Variants in HPSE2 observed in about 807,000 individuals in gnomAD.
HPSE2 encodes the protein heparanase 2 (inactive), also known as inactive heparanase-2.
HPSE2 carries 38 observed loss-of-function variants against 60.5 expected under a neutral mutation model. The observed-to-expected ratio is 0.63, with a 90% CI of 0.48 to 0.82. The LOEUF is 0.82. Among genes scored for constraint, HPSE2 ranks in the 40% least tolerant of loss-of-function variants. The probability of loss-of-function intolerance (pLI) is 0.00; values close to 1 mark genes in which losing one functional copy is unlikely to be tolerated. For missense variants in HPSE2, 713 were observed against 740.4 expected (o/e 0.96, Z 0.43); for synonymous variants, 295 against 293.2 (o/e 1.01, Z -0.06).
chr10:98,459,963 C>T (rs1019983773), intron 11 of HPSE2, among the ~76,000 whole-genome samples: 5 of 152,160 alleles, frequency 3.3e-5, no homozygotes, highest in African/African-American at 4.8e-5. Context: ...CTATTAATAT[C>T]ATTATCCCCA....
chr10:98,553,730 C>A (rs1379265000), intron 9 of HPSE2, among the ~76,000 whole-genome samples: 2 of 152,186 alleles, frequency 1.3e-5, no homozygotes, highest in Admixed American at 1.3e-4. Context: ...GTTAATAAAG[C>A]CTCTCCAGTG....
At chr10:98,636,741 C>T (rs1393739332) in intron 7 of HPSE2, among the ~76,000 whole-genome samples, 1 of 152,158 alleles carries the variant, frequency 6.6e-6, no homozygotes, top group Non-Finnish European at 1.5e-5. Context: ...ATGGACAGTA[C>T]TTTTGGAAAC....
intron 2 of HPSE2, among the ~76,000 whole-genome samples, chr10:99,210,239 T>C (rs1848911601): frequency 6.6e-6 from 1 of 152,010 alleles, no homozygotes. Context: ...ATAAAAAATC[T>C]GAACAGACCA....
At chr10:98,834,237 A>G (rs1951743666) in intron 3 of HPSE2, among the ~76,000 whole-genome samples, 1 of 152,124 alleles carries the variant, frequency 6.6e-6, no homozygotes, top group Non-Finnish European at 1.5e-5. Context: ...ATAAGCTTCA[A>G]AATGATAACT....
chr10:99,091,488 T>G (rs1018029609), intron 3 of HPSE2, among the ~76,000 whole-genome samples: 4 of 152,170 alleles, frequency 2.6e-5, no homozygotes, highest in Non-Finnish European at 5.9e-5. Context: ...TTAACAAAGT[T>G]TTTTTAAAAG....
intron 6 of HPSE2, among the ~76,000 whole-genome samples, chr10:98,672,185 T>C (rs1042564341): frequency 1.3e-5 from 2 of 152,212 alleles, no homozygotes; most frequent in Non-Finnish European, 1.5e-5. Flanking sequence ...TTTGCTTCTT[T>C]TTATTTAGAT....
intron 9 of HPSE2, among the ~76,000 whole-genome samples, chr10:98,523,374 C>T (rs1203727334): frequency 6.6e-6 from 1 of 152,084 alleles, no homozygotes; most frequent in African/African-American, 2.4e-5. Context: ...TATAAGAAAA[C>T]ATTAGTTGAT....
chr10:98,905,182 T>A (rs1953777607), intron 3 of HPSE2, among the ~76,000 whole-genome samples: 1 of 152,096 alleles, frequency 6.6e-6, no homozygotes, highest in Non-Finnish European at 1.5e-5. Flanking sequence ...TATTATACTT[T>A]AAGTTTTAGG....
At chr10:98,986,815 C>A (rs1383737175) in intron 3 of HPSE2, among the ~76,000 whole-genome samples, 1 of 151,760 alleles carries the variant, frequency 6.6e-6, no homozygotes, top group Non-Finnish European at 1.5e-5. Context: ...GGGGATATCA[C>A]CACCGATCCC....
chr10:98,908,621 T>C (rs1230447132), intron 3 of HPSE2, among the ~76,000 whole-genome samples: 6 of 134,106 alleles, frequency 4.5e-5, no homozygotes, highest in Non-Finnish European at 9.1e-5. Flanking sequence ...AGGTGGAGGT[T>C]GTGGTGAGCC....
At chr10:98,668,412 A>G (rs1038791913) in intron 6 of HPSE2, among the ~76,000 whole-genome samples, 5 of 152,282 alleles carry the variant, frequency 3.3e-5, no homozygotes, top group African/African-American at 1.2e-4. Context: ...AGAAAAGACT[A>G]TTCTAAAATT....
chr10:99,296,930 A>C, the HPSE2 span, among the ~76,000 whole-genome samples: 1 of 152,138 alleles, frequency 6.6e-6, no homozygotes, highest in Non-Finnish European at 1.5e-5. Flanking sequence ...CATCGATGGG[A>C]GGGCAGGAAG....
At position 99,071,994 on chromosome 10, in the gene HPSE2, T is replaced by A. The variant is rs185539707; in HGVS notation, c.610+72244A>T. ...TAGCTTTGTAATAATATATTTTGAA[T>A]TCAGGAAGTGGATTGCCTCTAACTT... On this transcript the variant is annotated intron_variant, in intron 3 of 11. Transcript: ENST00000370552. Among the ~76,000 whole-genome samples, 130 of 151,412 alleles carry A rather than the reference T, an allele frequency of 8.6e-4. 1 individual carries two copies. The highest frequency in any genetic ancestry group is 3.0e-3 in the African/African-American group (123 of 41,422).
intron 6 of HPSE2, among the ~76,000 whole-genome samples, chr10:98,648,369 A>G (rs1461381790): frequency 6.6e-6 from 1 of 152,166 alleles, no homozygotes; most frequent in African/African-American, 2.4e-5. Context: ...ACCTCTAAAA[A>G]TTTTCAGAAT....
intron 3 of HPSE2, among the ~76,000 whole-genome samples, chr10:98,891,029 T>C (rs1953322316): frequency 6.6e-6 from 1 of 152,238 alleles, no homozygotes; most frequent in Non-Finnish European, 1.5e-5. Context: ...ATAGGTACTT[T>C]AAAATTTATG....
At chr10:98,544,470 G>A (rs1158916238) in intron 9 of HPSE2, among the ~76,000 whole-genome samples, 1 of 152,050 alleles carries the variant, frequency 6.6e-6, no homozygotes, top group Non-Finnish European at 1.5e-5. Flanking sequence ...CAGCACTTTG[G>A]GAGGCCGAGG....
At chr10:99,164,970 C>A (rs1847014198) in intron 2 of HPSE2, among the ~76,000 whole-genome samples, 1 of 150,636 alleles carries the variant, frequency 6.6e-6, no homozygotes, top group South Asian at 2.1e-4. Flanking sequence ...GCGGTCCCAG[C>A]TACTCGGGAT....
chr10:98,721,090 G>T (rs1431998908), intron 5 of HPSE2, among the ~76,000 whole-genome samples: 2 of 151,740 alleles, frequency 1.3e-5, no homozygotes, highest in Admixed American at 6.6e-5. Context: ...ACACATAAAA[G>T]AAAAATTCCT....
intron 9 of HPSE2, among the ~76,000 whole-genome samples, chr10:98,595,256 G>A (rs182534602): frequency 6.5e-5 from 9 of 139,380 alleles, no homozygotes; most frequent in African/African-American, 1.6e-4. Context: ...TGCAAGCTCC[G>A]CCTCCCGGGT....
Sources: gnomAD v4.1 joint callset for allele counts (sites outside exome capture counted in the v4.1 genomes callset) on GRCh38, gnomAD v4.1.1 for gene constraint, MANE v1.5 for transcripts, NCBI Gene and HGNC (gene_info 2026-07-23, HGNC 2026-07-21) for gene names.